FRMD5: variants seen among roughly 807,000 people sequenced by gnomAD.
FRMD5 encodes the protein FERM domain containing 5.
In FRMD5, 20 loss-of-function variants were observed where a neutral mutation model predicts 69.0. The ratio of observed to expected loss-of-function variants is 0.29; its 90% CI spans 0.20 to 0.42. The LOEUF is 0.42. FRMD5 is among the 10% of genes least tolerant of loss of function. The probability of loss-of-function intolerance (pLI) is 1.00; values close to 1 mark genes in which losing one functional copy is unlikely to be tolerated. For missense variants in FRMD5, 595 were observed against 708.6 expected (o/e 0.84, Z 1.82); for synonymous variants, 271 against 260.1 (o/e 1.04, Z -0.40).
intron 4 of FRMD5, among the ~76,000 whole-genome samples, chr15:43,915,987 T>C (rs2089379531): frequency 6.6e-6 from 1 of 151,988 alleles, no homozygotes. Flanking sequence ...TGCAGCTAAT[T>C]CCACAGGCTC....
At chr15:44,088,623 C>T (rs1210065971) in intron 1 of FRMD5, among the ~76,000 whole-genome samples, 1 of 152,082 alleles carries the variant, frequency 6.6e-6, no homozygotes, top group Non-Finnish European at 1.5e-5. Context: ...CAGAGAGGTA[C>T]TCAGGACTGA....
intron 1 of FRMD5, among the ~76,000 whole-genome samples, chr15:43,968,000 G>T (rs2090321135): frequency 6.8e-6 from 1 of 147,042 alleles, no homozygotes. Flanking sequence ...TCCCACTTAT[G>T]AGTGAGAACA....
chr15:43,944,159 G>A (rs1055823876), intron 1 of FRMD5, among the ~76,000 whole-genome samples: 1 of 152,234 alleles, frequency 6.6e-6, no homozygotes, highest in Non-Finnish European at 1.5e-5. Flanking sequence ...AGGCTGAGAA[G>A]TCCAAGGTTA....
rs530638844 is a variant in FRMD5 at position 43,910,473 on chromosome 15, C to T, written c.330-494G>A. On this transcript the variant is annotated intron_variant, in intron 4 of 13. Transcript: ENST00000417257. ...ATATGTGGAAACAGCCTGCAGTTACCGAGGTCAACCAGACCTTTGAAATGG... is the reference window on the plus strand; with the variant it reads ...ATATGTGGAAACAGCCTGCAGTTACTGAGGTCAACCAGACCTTTGAAATGG... Among the ~76,000 whole-genome samples, 12 of 149,518 alleles carry T rather than the reference C, an allele frequency of 8.0e-5. No homozygotes were observed. The East Asian group carries it at 2.2e-3, about 27-fold the overall frequency.
At chr15:43,883,985 T>C (rs117678265) in intron 12 of FRMD5, among the ~76,000 whole-genome samples, 176 bp from the exon 13 acceptor site, 1 of 152,326 alleles carries the variant, frequency 6.6e-6, no homozygotes, top group East Asian at 1.9e-4. Context: ...CAGTCAGAGA[T>C]AGTGCTTCAA....
At chr15:43,901,580 A>G (rs1405160811) in intron 7 of FRMD5, among the ~76,000 whole-genome samples, 1 of 152,140 alleles carries the variant, frequency 6.6e-6, no homozygotes, top group Non-Finnish European at 1.5e-5. Flanking sequence ...CCACAGAGAG[A>G]GACTGGAAGG....
intron 1 of FRMD5, among the ~76,000 whole-genome samples, chr15:44,149,059 T>C (rs1345588415): frequency 6.6e-6 from 1 of 152,190 alleles, no homozygotes; most frequent in Non-Finnish European, 1.5e-5. Context: ...GAGACTCATG[T>C]ATTAAAAAGA....
intron 1 of FRMD5, among the ~76,000 whole-genome samples, chr15:43,986,964 A>T (rs911472454): frequency 1.3e-5 from 2 of 152,068 alleles, no homozygotes; most frequent in African/African-American, 2.4e-5. Context: ...TTAATCTGTG[A>T]TCAGTGATCT....
At chr15:44,135,677 T>C (rs1056161008) in intron 1 of FRMD5, among the ~76,000 whole-genome samples, 2 of 151,724 alleles carry the variant, frequency 1.3e-5, no homozygotes, top group African/African-American at 4.8e-5. Flanking sequence ...GTACAAAAAT[T>C]AGCCAGGCGT....
chr15:44,107,445 T>C lies in FRMD5; in HGVS notation c.102+87508A>G, dbSNP rs74009172. ...GGTAGGAAATGTACCACTTTAACAA[T>C]TCTATTCCACACAACTCCCATCTTT... On this transcript the variant is annotated intron_variant, in intron 1 of 13. Coordinates refer to ENST00000417257, the MANE Select transcript of FRMD5 (RefSeq NM_032892.5). Among the ~76,000 whole-genome samples, 1,142 of 152,338 alleles carry C rather than the reference T, an allele frequency of 7.5e-3. 14 individuals are homozygous for C. Among genetic ancestry groups the C allele is most frequent in the African/African-American group, 0.026 (1,099 of 41,566 alleles).
At chr15:43,900,779 G>A (rs1243359685) in intron 7 of FRMD5, among the ~76,000 whole-genome samples, 1 of 151,944 alleles carries the variant, frequency 6.6e-6, no homozygotes. Flanking sequence ...CACCATGTCT[G>A]GCTAGCTTTT....
chr15:43,918,622 T>C (rs1481434516), intron 4 of FRMD5, among the ~76,000 whole-genome samples: 3 of 152,022 alleles, frequency 2.0e-5, no homozygotes, highest in African/African-American at 7.2e-5. Flanking sequence ...CTGACAGTCC[T>C]ATCTCTTCCT....
intron 1 of FRMD5, among the ~76,000 whole-genome samples, chr15:43,933,061 T>C (rs1383643834): frequency 3.3e-5 from 5 of 152,162 alleles, no homozygotes; most frequent in Non-Finnish European, 7.4e-5. Context: ...TTCCCAGCAC[T>C]GAGTAGAAAC....
intron 1 of FRMD5, among the ~76,000 whole-genome samples, chr15:44,018,986 C>T (rs917136327): frequency 6.6e-6 from 1 of 152,068 alleles, no homozygotes; most frequent in African/African-American, 2.4e-5. Context: ...CCTCTGCCTC[C>T]TGGGTTCAAG....
chr15:44,161,290 C>T (rs2077612981), intron 1 of FRMD5, among the ~76,000 whole-genome samples: 1 of 152,210 alleles, frequency 6.6e-6, no homozygotes, highest in African/African-American at 2.4e-5. Context: ...TAACCATGCT[C>T]ATCTTGAGTC....
rs146703432 is a variant in FRMD5, at chr15:44,089,604, G to A, written c.102+105349C>T. Among the ~76,000 whole-genome samples, 11 of 152,206 alleles carry A rather than the reference G, an allele frequency of 7.2e-5. No homozygotes were observed. In the East Asian group the frequency reaches 1.5e-3, roughly 21 times the overall value. On this transcript the variant is annotated intron_variant, in intron 1 of 13. Transcript: ENST00000417257. Reference sequence around the variant, plus strand: ...TGTAGTCCCAGGTATTTGGGAGGCTGAGGTGGGAGGATGACTTGAGCCCAG... The same window carrying A: ...TGTAGTCCCAGGTATTTGGGAGGCTAAGGTGGGAGGATGACTTGAGCCCAG...
At chr15:44,104,152 G>C (rs2076679991) in intron 1 of FRMD5, among the ~76,000 whole-genome samples, 1 of 152,194 alleles carries the variant, frequency 6.6e-6, no homozygotes, top group South Asian at 2.1e-4. Context: ...CCAGGTTAAT[G>C]TGTGTTTGCC....
intron 1 of FRMD5, among the ~76,000 whole-genome samples, chr15:44,021,360 GTAAC>G (rs1237642430): frequency 6.6e-6 from 1 of 152,130 alleles, no homozygotes. Context: ...CTCATAAAAG[GTAAC>G]TAACTCAGCA....
At chr15:44,041,769 A>C (rs1235481768) in intron 1 of FRMD5, among the ~76,000 whole-genome samples, 1 of 152,244 alleles carries the variant, frequency 6.6e-6, no homozygotes, top group Non-Finnish European at 1.5e-5. Flanking sequence ...TCTCTGTGAC[A>C]CATTTAAAGC....
Sources: allele counts gnomAD v4.1 joint callset (sites outside exome capture counted in the v4.1 genomes callset), GRCh38; gene constraint gnomAD v4.1.1; transcripts MANE v1.5; gene names NCBI Gene and HGNC (gene_info 2026-07-23, HGNC 2026-07-21).